The following TENM2 variants were observed in gnomAD, a reference collection of about 807,000 sequenced individuals.
The protein encoded by TENM2 is teneurin transmembrane protein 2.
Under a neutral mutation model 245.2 loss-of-function variants are expected in TENM2, and 52 were observed. That is an observed-to-expected ratio of 0.21 (90% CI 0.17 to 0.27). The LOEUF is 0.27. Ranked by LOEUF, TENM2 falls within the 10% of genes least tolerant of loss-of-function variation. The probability of loss-of-function intolerance (pLI) is 1.00; values close to 1 mark genes in which losing one functional copy is unlikely to be tolerated. For missense variants in TENM2, 3,046 were observed against 3,666.8 expected, an observed-to-expected ratio of 0.83 and a Z score of 4.37; for synonymous variants, 1,363 against 1,438.9, an observed-to-expected ratio of 0.95 and a Z score of 1.19.
chr5:166,982,915 G>A, the TENM2 span, among the ~76,000 whole-genome samples: 1 of 152,054 alleles, frequency 6.6e-6, no homozygotes, highest in Non-Finnish European at 1.5e-5. Flanking sequence ...GAAAGCAACA[G>A]TAATTTTATG....
At chr5:167,569,625 CA>C in intron 2 of TENM2, among the ~76,000 whole-genome samples, 1 of 152,318 alleles carries the variant, frequency 6.6e-6, no homozygotes, top group East Asian at 1.9e-4. Context: ...GTTCCAGCAA[CA>C]GCCATTTGGT....
chr5:167,212,860 G>A, the TENM2 span, among the ~76,000 whole-genome samples: 1 of 152,206 alleles, frequency 6.6e-6, no homozygotes, highest in Admixed American at 6.5e-5. Context: ...TATGCACATA[G>A]GAGGAGAGCT....
the TENM2 span, among the ~76,000 whole-genome samples, chr5:167,199,096 G>GT: frequency 0.013 from 986 of 73,368 alleles, 17 homozygotes; most frequent in African/African-American, 0.058. Context: ...CTGATATGAA[G>GT]TAAAAAAAAA....
At chr5:167,977,113 G>T (rs567460415) in intron 4 of TENM2, among the ~76,000 whole-genome samples, 16 of 152,220 alleles carry the variant, frequency 1.1e-4, no homozygotes, top group Admixed American at 7.2e-4. Flanking sequence ...GGAGCTAAAT[G>T]ATGAGATGAG....
At chr5:168,194,455 AT>A (rs1489422959) in intron 14 of TENM2, among the ~76,000 whole-genome samples, 1 of 152,180 alleles carries the variant, frequency 6.6e-6, no homozygotes, top group East Asian at 1.9e-4. Flanking sequence ...CTGGAAATAA[AT>A]TGGTAGGATT....
intron 12 of TENM2, among the ~76,000 whole-genome samples, chr5:168,140,343 G>A (rs902526890): frequency 2.0e-5 from 3 of 151,600 alleles, no homozygotes; most frequent in African/African-American, 4.9e-5. Context: ...CTTAAATCCA[G>A]CATCTACACT....
At chr5:167,692,190 T>G (rs2150408344) in intron 2 of TENM2, among the ~76,000 whole-genome samples, 1 of 152,292 alleles carries the variant, frequency 6.6e-6, no homozygotes, top group South Asian at 2.1e-4. Flanking sequence ...AGACCTTATC[T>G]GCCCTGTTCA....
intron 10 of TENM2, among the ~76,000 whole-genome samples, chr5:168,122,412 G>C (rs376103249): frequency 6.6e-6 from 1 of 152,034 alleles, no homozygotes; most frequent in African/African-American, 2.4e-5. Flanking sequence ...TCCTGACCTC[G>C]TGATCCACCC....
the TENM2 span, among the ~76,000 whole-genome samples, chr5:167,084,355 A>ATATATATATATATATATG: frequency 1.2e-4 from 13 of 109,348 alleles, no homozygotes; most frequent in African/African-American, 3.7e-4. Context: ...ATATATATAT[A>ATATATATATATATATATG]TATATATATA....
intron 3 of TENM2, among the ~76,000 whole-genome samples, chr5:167,921,141 G>A (rs977152019): frequency 6.6e-6 from 1 of 152,138 alleles, no homozygotes; most frequent in African/African-American, 2.4e-5. Flanking sequence ...AAAATTACTG[G>A]CAGCGTCTTC....
intron 2 of TENM2, among the ~76,000 whole-genome samples, chr5:167,866,497 C>CA (rs57131518): frequency 0.19 from 14,978 of 79,656 alleles, 1,054 homozygotes; most frequent in Middle Eastern, 0.25. Flanking sequence ...GACTCCATCT[C>CA]AAAAAAAAAA....
intron 1 of TENM2, among the ~76,000 whole-genome samples, chr5:167,326,702 A>AATAAATAT (rs376995621): frequency 7.0e-5 from 10 of 143,218 alleles, no homozygotes; most frequent in African/African-American, 2.6e-4. Context: ...ATAATAAATA[A>AATAAATAT]ATATATATAT....
intron 2 of TENM2, among the ~76,000 whole-genome samples, chr5:167,862,383 C>T (rs1458335080): frequency 6.6e-6 from 1 of 152,174 alleles, no homozygotes; most frequent in African/African-American, 2.4e-5. Flanking sequence ...ATCATGGAAA[C>T]TCCCAAAACA....
At chr5:167,463,116 G>A (rs1353077731) in intron 2 of TENM2, among the ~76,000 whole-genome samples, 1 of 152,036 alleles carries the variant, frequency 6.6e-6, no homozygotes, top group East Asian at 1.9e-4. Context: ...TGTTTATAAG[G>A]CATATAAACA....
At chr5:167,388,271 G>A (rs933753237) in intron 2 of TENM2, among the ~76,000 whole-genome samples, 3 of 151,958 alleles carry the variant, frequency 2.0e-5, no homozygotes, top group South Asian at 2.1e-4. Flanking sequence ...GAATTTATCC[G>A]TCTCTTCTAG....
At chr5:168,139,416 A>T (rs1374894480) in intron 12 of TENM2, 1 of 451,696 alleles carries the variant, frequency 2.2e-6, no homozygotes, top group Middle Eastern at 3.3e-4. Context: ...TCAGATGCTT[A>T]TAATCTAATT....
intron 2 of TENM2, among the ~76,000 whole-genome samples, chr5:167,494,364 A>G (rs527471549): frequency 5.3e-5 from 8 of 152,308 alleles, no homozygotes; most frequent in African/African-American, 1.9e-4. Context: ...GAGGACAAAG[A>G]ACTTTGTCAG....
At chr5:168,067,235 T>G (rs1790587591) in intron 7 of TENM2, among the ~76,000 whole-genome samples, 1 of 152,126 alleles carries the variant, frequency 6.6e-6, no homozygotes, top group South Asian at 2.1e-4. Context: ...TTAAAAGAGA[T>G]TCTAGGGATT....
chr5:167,429,942 T>C (rs1274803264), intron 2 of TENM2, among the ~76,000 whole-genome samples: 1 of 152,026 alleles, frequency 6.6e-6, no homozygotes, highest in East Asian at 1.9e-4. Context: ...AAAAAGGAGA[T>C]AGCCACAAGG....
Sources: allele counts gnomAD v4.1 joint callset (sites outside exome capture counted in the v4.1 genomes callset), GRCh38; gene constraint gnomAD v4.1.1; transcripts MANE v1.5; gene names NCBI Gene and HGNC (gene_info 2026-07-23, HGNC 2026-07-21).